MFAP2: variants seen among roughly 807,000 people sequenced by gnomAD.
The protein encoded by MFAP2 is microfibrillar-associated protein 2.
A neutral mutation model predicts 30.6 loss-of-function variants in MFAP2; 23 were observed. The observed-to-expected ratio is 0.75, with a 90% CI of 0.54 to 1.07. The LOEUF (loss-of-function observed/expected upper bound fraction) is 1.07, where lower values mean the gene tolerates loss of function less well. Among genes scored for constraint, MFAP2 ranks in the 50% least tolerant of loss-of-function variants. The pLI is 0.00. For synonymous variants in MFAP2, 73 were observed against 85.7 expected (o/e 0.85, Z 0.82); for missense variants, 198 against 223.8 (o/e 0.88, Z 0.74).
In MFAP2 at chr1:16,978,290, G is replaced by A; in HGVS notation, c.-17C>T. The stretch of plus-strand genomic sequence containing the variant: ...AGCTCTCATGGCAACAAAGAGGCAG[G>A]CCGGGGTGGTGTCAGAGAGGACAGC... On this transcript the variant is annotated 5_prime_UTR_variant, in exon 2 of 9. Transcript: ENST00000375535. 6.4e-7 allele frequency: 1 copy of A among 1,572,706 alleles called. No homozygotes were observed. Among genetic ancestry groups the A allele is most frequent in the Admixed American group, 1.9e-5 (1 of 52,654 alleles).
In MFAP2 at chr1:16,975,167, G is replaced by T; in HGVS notation, c.448+102C>A. 1 of 1,304,226 alleles carries T rather than the reference G, an allele frequency of 7.7e-7. No homozygotes were observed. The highest frequency in any genetic ancestry group is 1.1e-6 in the Non-Finnish European group (1 of 918,676). The allele number at this position is 1,304,226 out of a possible 1,614,324, so 80.8% of individuals were successfully genotyped here. A position where few individuals can be genotyped will look rare whatever the true frequency, so the allele number is the denominator to read the frequency against. On this transcript the variant is annotated intron_variant, in intron 8 of 8. Transcript: ENST00000375535. The surrounding 1 kb of genome is among the most constrained non-coding windows in gnomAD (Gnocchi z 5.0). The stretch of plus-strand genomic sequence containing the variant: ...TCAGGGTGTCCTGGAAGTGGGCCTG[G>T]TGGATAATATGTGTTGAATAAACAT...
Position 16,976,180 on chromosome 1 carries a change from C to T in MFAP2, c.286+321G>A, listed in dbSNP as rs549974794. The T allele has an allele frequency of 4.1e-5, 22 of 539,710 alleles. No individual in the cohort carries two copies. The highest frequency in any genetic ancestry group is 6.3e-5 in the Non-Finnish European group (19 of 299,726). 33.4% of individuals were successfully genotyped at this position (539,710 alleles called of 1,614,324 possible). A position where few individuals can be genotyped will look rare whatever the true frequency, so the allele number is the denominator to read the frequency against. ...CAGCCTGCACTCCCTGGCCCTTCCTCGCCTCCACATGTGCACCACTCAGTC... is the reference window on the plus strand; with the variant it reads ...CAGCCTGCACTCCCTGGCCCTTCCTTGCCTCCACATGTGCACCACTCAGTC... On this transcript the variant is annotated intron_variant, in intron 6 of 8. Coordinates refer to ENST00000375535, the MANE Select transcript of MFAP2 (RefSeq NM_002403.4). The surrounding 1 kb of genome is among the most constrained non-coding windows in gnomAD (Gnocchi z 5.5).
chr1:16,979,378 C>T (rs1193781203), intron 1 of MFAP2, among the ~76,000 whole-genome samples: 1 of 152,220 alleles, frequency 6.6e-6, no homozygotes, highest in East Asian at 1.9e-4. Flanking sequence ...AGCTGGAAAC[C>T]CCAACTTTGG....
chr1:16,978,625 C>T (rs1355246461), intron 1 of MFAP2, among the ~76,000 whole-genome samples: 1 of 152,218 alleles, frequency 6.6e-6, no homozygotes, highest in African/African-American at 2.4e-5. Context: ...AATGTGCTCC[C>T]AGCCCAGGCC....
At chr1:16,979,500 A>G (rs955208493) in intron 1 of MFAP2, among the ~76,000 whole-genome samples, 1 of 152,132 alleles carries the variant, frequency 6.6e-6, no homozygotes, top group Non-Finnish European at 1.5e-5. Flanking sequence ...GGCTCCTCTC[A>G]TGCATTAGGC....
Position 16,976,052 on chromosome 1 carries a change from G to A in MFAP2, c.287-322C>T, listed in dbSNP as rs1453152029. The A allele has an allele frequency of 1.3e-5, 6 of 468,624 alleles. No individual in the cohort carries two copies. The highest frequency in any genetic ancestry group is 7.8e-5 in the African/African-American group (4 of 50,958). The allele number at this position is 468,624 out of a possible 1,614,324, so 29.0% of individuals were successfully genotyped here. On this transcript the variant is annotated intron_variant, in intron 6 of 8. Coordinates refer to ENST00000375535, the MANE Select transcript of MFAP2 (RefSeq NM_002403.4). The surrounding 1 kb of genome is among the most constrained non-coding windows in gnomAD (Gnocchi z 5.5). ...CGCTCACAGAAGCCCACATAGGAGC[G>A]CTCACACCAACCCACACGAGAGTGA... is the stretch of plus-strand genomic sequence containing the variant.
rs184707517 is a variant in MFAP2, at chr1:16,977,992, C to T, written c.37+245G>A. The T allele has an allele frequency of 5.1e-4, 242 of 469,938 alleles. 3 individuals are homozygous for T. Among genetic ancestry groups the T allele is most frequent in the African/African-American group, 4.1e-3 (208 of 50,654 alleles). The allele number at this position is 469,938 out of a possible 1,614,324, so 29.1% of individuals were successfully genotyped here. A position where few individuals can be genotyped will look rare whatever the true frequency, so the allele number is the denominator to read the frequency against. On this transcript the variant is annotated intron_variant, in intron 2 of 8. Coordinates refer to ENST00000375535, the MANE Select transcript of MFAP2 (RefSeq NM_002403.4). ...GCCCACGGAGTCCTTGTGCCTGGGA[C>T]GTGCCCTCCAGAACCCTGCCTGCCT...
Position 16,976,493 on chromosome 1 carries a change from G to A in MFAP2, c.286+8C>T, listed in dbSNP as rs1199233359. The A allele has an allele frequency of 1.1e-5, 17 of 1,614,094 alleles. No homozygotes were observed. Among genetic ancestry groups the A allele is most frequent in the Admixed American group, 1.7e-5 (1 of 60,010 alleles). The stretch of plus-strand genomic sequence containing the variant: ...CTCCATTTTTCCAGCTGTCAAGAAA[G>A]CCCTTACCAAGAGGCCCAGGCTCTG... On this transcript the variant is annotated splice_region_variant and intron_variant, in intron 6 of 8. Transcript: ENST00000375535. The surrounding 1 kb of genome is among the most constrained non-coding windows in gnomAD (Gnocchi z 5.5).
rs958005066 is a variant in MFAP2, at chr1:16,975,494, C to T, written c.374+149G>A. On this transcript the variant is annotated intron_variant, in intron 7 of 8. Transcript: ENST00000375535. The surrounding 1 kb of genome is among the most constrained non-coding windows in gnomAD (Gnocchi z 5.0). The stretch of plus-strand genomic sequence containing the variant: ...TGGAGCCCAGGAGTGGAGGAGGTCC[C>T]TGGCCCAGGCTCAACCACAGAACTG... 8.3e-7 allele frequency: 1 copy of T among 1,209,718 alleles called. No homozygotes were observed. The highest frequency in any genetic ancestry group is 1.2e-6 in the Non-Finnish European group (1 of 833,882). 74.9% of individuals were successfully genotyped at this position (1,209,718 alleles called of 1,614,324 possible). A position where few individuals can be genotyped will look rare whatever the true frequency, so the allele number is the denominator to read the frequency against.
intron 2 of MFAP2, chr1:16,977,882 G>T (rs1266827210): frequency 3.7e-6 from 1 of 272,964 alleles, no homozygotes; most frequent in Non-Finnish European, 7.1e-6. Flanking sequence ...GGCCCTGAAT[G>T]GATCTAGAAC....
At position 16,976,972 on chromosome 1, in the gene MFAP2, C is replaced by A. The variant is rs371651522; in HGVS notation, c.128-49G>T. On this transcript the variant is annotated intron_variant, in intron 3 of 8. Transcript: ENST00000375535. This position sits in a 1 kb window ranked among gnomAD's most constrained non-coding sequence, Gnocchi z 5.5. ...ATTGGTGGGAGTAAGGCTAATCCCCCAGCCCCTGGGGCAAACAAGTTCCCT... is the reference window on the plus strand; with the variant it reads ...ATTGGTGGGAGTAAGGCTAATCCCCAAGCCCCTGGGGCAAACAAGTTCCCT... The A allele has an allele frequency of 1.2e-6, 2 of 1,613,914 alleles. No individual in the cohort carries two copies. The highest frequency in any genetic ancestry group is 1.7e-6 in the Non-Finnish European group (2 of 1,179,948).
chr1:16,976,995 C>T lies in MFAP2; in HGVS notation c.128-72G>A. ...CCCAGCCCCTGGGGCAAACAAGTTCCCTCCTGAGCCAGGGACCAACCCCCA... is the reference window on the plus strand; with the variant it reads ...CCCAGCCCCTGGGGCAAACAAGTTCTCTCCTGAGCCAGGGACCAACCCCCA... On this transcript the variant is annotated intron_variant, in intron 3 of 8. Coordinates refer to ENST00000375535, the MANE Select transcript of MFAP2 (RefSeq NM_002403.4). The surrounding 1 kb of genome is among the most constrained non-coding windows in gnomAD (Gnocchi z 5.5). 6.2e-7 allele frequency: 1 copy of T among 1,613,386 alleles called. No homozygotes were observed. Among genetic ancestry groups the T allele is most frequent in the Non-Finnish European group, 8.5e-7 (1 of 1,179,444 alleles).
Position 16,975,199 on chromosome 1 carries a change from G to T in MFAP2, c.448+70C>A. 1 of 1,438,872 alleles carries T rather than the reference G, an allele frequency of 6.9e-7. No homozygotes were observed. Among genetic ancestry groups the T allele is most frequent in the Non-Finnish European group, 9.7e-7 (1 of 1,029,282 alleles). 89.1% of individuals were successfully genotyped at this position (1,438,872 alleles called of 1,614,324 possible). ...ATATGTGTTGAATAAACATCAGGTG[G>T]GTGGCTAGGTGGCCAGATAATGATG... On this transcript the variant is annotated intron_variant, in intron 8 of 8. Transcript: ENST00000375535. The surrounding 1 kb of genome is among the most constrained non-coding windows in gnomAD (Gnocchi z 5.0).
Position 16,976,439 on chromosome 1 carries a change from C to T in MFAP2, c.286+62G>A. 3.7e-6 allele frequency: 6 copies of T among 1,606,064 alleles called. No individual in the cohort carries two copies. Among genetic ancestry groups the T allele is most frequent in the Non-Finnish European group, 5.1e-6 (6 of 1,172,680 alleles). On this transcript the variant is annotated intron_variant, in intron 6 of 8. Coordinates refer to ENST00000375535, the MANE Select transcript of MFAP2 (RefSeq NM_002403.4). This position sits in a 1 kb window ranked among gnomAD's most constrained non-coding sequence, Gnocchi z 5.5. Reference sequence around the variant, plus strand: ...AGACCTCCAGCCCACCAGCACCACCCCCTACTCCACCCCAACTTCAGGGCG... The same window carrying T: ...AGACCTCCAGCCCACCAGCACCACCTCCTACTCCACCCCAACTTCAGGGCG...
chr1:16,978,960 T>C (rs2076615498), intron 1 of MFAP2: 2 of 152,310 alleles, frequency 1.3e-5, no homozygotes, highest in Non-Finnish European at 1.5e-5. Context: ...GACCTGGCTG[T>C]GTGCATCACA....
chr1:16,976,389 A>G lies in MFAP2; in HGVS notation c.286+112T>C. 2 of 1,392,896 alleles carry G rather than the reference A, an allele frequency of 1.4e-6. No individual in the cohort carries two copies. The highest frequency in any genetic ancestry group is 2.0e-6 in the Non-Finnish European group (2 of 981,382). The allele number at this position is 1,392,896 out of a possible 1,614,324, so 86.3% of individuals were successfully genotyped here. On this transcript the variant is annotated intron_variant, in intron 6 of 8. Transcript: ENST00000375535. This position sits in a 1 kb window ranked among gnomAD's most constrained non-coding sequence, Gnocchi z 5.5. ...CGGCAGTCATACTGCCCACACTGCC[A>G]AGAGCCCACATGGGCAAGGGCCAAA...
intron 1 of MFAP2, 36 bp from the exon 2 acceptor site, chr1:16,978,350 C>T (rs1050405838): frequency 7.3e-6 from 11 of 1,502,442 alleles, no homozygotes; most frequent in South Asian, 3.6e-5. Flanking sequence ...CTACCCAGGG[C>T]CACACCCAGG....
At position 16,976,778 on chromosome 1, in the gene MFAP2, G is replaced by A; in HGVS notation, c.171C>T (p.Pro57=). 6.2e-7 allele frequency: 1 copy of A among 1,613,998 alleles called. No homozygotes were observed. The highest frequency in any genetic ancestry group is 8.5e-7 in the Non-Finnish European group (1 of 1,179,948). Reference sequence around the variant, plus strand: ...ACTGGAACTGGAACTGTTCCTCGGAGGGCCGAGGAGTCACCTCTGCAGCCA... The same window carrying A: ...ACTGGAACTGGAACTGTTCCTCGGAAGGCCGAGGAGTCACCTCTGCAGCCA... ...YYDYQEVTPR[P]SEEQFQFQSQ... Residue 57 remains proline, a synonymous_variant, in exon 5 of 9, where the codon CCC becomes CCT. Coordinates refer to ENST00000375535, the MANE Select transcript of MFAP2 (RefSeq NM_002403.4). The surrounding 1 kb of genome is among the most constrained non-coding windows in gnomAD (Gnocchi z 5.5).
rs1334811765 is a variant in MFAP2, at chr1:16,976,296, C to T, written c.286+205G>A. 12 of 645,518 alleles carry T rather than the reference C, an allele frequency of 1.9e-5. No individual in the cohort carries two copies. The highest frequency in any genetic ancestry group is 3.2e-5 in the Non-Finnish European group (12 of 369,376). The allele number at this position is 645,518 out of a possible 1,614,324, so 40.0% of individuals were successfully genotyped here. ...CTTCCTAGGCTGCCAATTTAGCCTCCAGCCAGGCACACTGGGGACAGGTGG... is the reference window on the plus strand; with the variant it reads ...CTTCCTAGGCTGCCAATTTAGCCTCTAGCCAGGCACACTGGGGACAGGTGG... On this transcript the variant is annotated intron_variant, in intron 6 of 8. Transcript: ENST00000375535. The surrounding 1 kb of genome is among the most constrained non-coding windows in gnomAD (Gnocchi z 5.5).
Sources: allele counts gnomAD v4.1 joint callset (sites outside exome capture counted in the v4.1 genomes callset), GRCh38; gene constraint gnomAD v4.1.1; non-coding constraint Gnocchi (gnomAD v3.1); transcripts MANE v1.5; gene names NCBI Gene and HGNC (gene_info 2026-07-23, HGNC 2026-07-21).